Variants in CCDC30 observed in about 807,000 individuals in gnomAD.
The protein encoded by CCDC30 is coiled-coil domain containing 30, also known as coiled-coil domain-containing protein 30.
In CCDC30, 70 loss-of-function variants were observed where a neutral mutation model predicts 100.2. The observed-to-expected ratio is 0.70, with a 90% CI of 0.58 to 0.85. CCDC30 has a LOEUF of 0.85. Ranked by LOEUF, CCDC30 falls within the 40% of genes least tolerant of loss-of-function variation. The probability of loss-of-function intolerance (pLI) is 0.00; values close to 1 mark genes in which losing one functional copy is unlikely to be tolerated. For missense variants in CCDC30, 652 were observed against 771.2 expected, an observed-to-expected ratio of 0.85 and a Z score of 1.83; for synonymous variants, 233 against 269.5, an observed-to-expected ratio of 0.86 and a Z score of 1.33.
chr1:42,462,626 T>G (rs1373669383), upstream of CCDC30, among the ~76,000 whole-genome samples: 1 of 152,184 alleles, frequency 6.6e-6, no homozygotes, highest in Non-Finnish European at 1.5e-5. Context: ...AGTTTGATAA[T>G]TAACTAGAAT....
intron 6 of CCDC30, among the ~76,000 whole-genome samples, chr1:42,523,246 G>C (rs1644675191): frequency 6.6e-6 from 1 of 152,086 alleles, no homozygotes; most frequent in Non-Finnish European, 1.5e-5. Context: ...TCTCCTTTTA[G>C]CATTTCTTGA....
At chr1:42,551,652 A>T (rs1645253954) in intron 6 of CCDC30, among the ~76,000 whole-genome samples, 1 of 152,050 alleles carries the variant, frequency 6.6e-6, no homozygotes, top group Non-Finnish European at 1.5e-5. Flanking sequence ...AATACATACT[A>T]TTAGGTATTA....
intron 11 of CCDC30, among the ~76,000 whole-genome samples, chr1:42,621,046 G>A (rs1185508727): frequency 6.6e-6 from 1 of 152,160 alleles, no homozygotes. Flanking sequence ...GAATTTATTT[G>A]ATCCAGGCTT....
intron 10 of CCDC30, among the ~76,000 whole-genome samples, chr1:42,606,037 A>G (rs1200368010): frequency 6.6e-6 from 1 of 152,222 alleles, no homozygotes. Context: ...GTGAAAGCGT[A>G]TATGTAGATA....
chr1:42,561,446 G>C (rs1362776731), intron 6 of CCDC30, among the ~76,000 whole-genome samples: 5 of 152,080 alleles, frequency 3.3e-5, no homozygotes, highest in African/African-American at 1.2e-4. Flanking sequence ...GGTATTGATG[G>C]AACATATCTC....
At chr1:42,557,625 A>G (rs1462986707) in intron 6 of CCDC30, among the ~76,000 whole-genome samples, 2 of 111,800 alleles carry the variant, frequency 1.8e-5, no homozygotes, top group East Asian at 5.6e-4. Context: ...TAAACAATAA[A>G]ATATTTAAAT....
intron 6 of CCDC30, among the ~76,000 whole-genome samples, chr1:42,522,189 G>T (rs1476596945): frequency 2.0e-5 from 3 of 152,042 alleles, no homozygotes; most frequent in South Asian, 4.2e-4. Flanking sequence ...TTGTCATATT[G>T]TTATTTTTAT....
intron 8 of CCDC30, chr1:42,580,731 A>G (rs547147559): frequency 8.2e-6 from 3 of 364,392 alleles, no homozygotes; most frequent in African/African-American, 4.3e-5. Context: ...TTTGTAAATC[A>G]TATTTTTAGT....
At chr1:42,530,077 G>A (rs1299189209) in intron 6 of CCDC30, among the ~76,000 whole-genome samples, 2 of 152,184 alleles carry the variant, frequency 1.3e-5, no homozygotes, top group African/African-American at 4.8e-5. Context: ...TAGTCAGCCT[G>A]CTCCTGACAT....
At chr1:42,604,775 A>G (rs891383782) in intron 10 of CCDC30, among the ~76,000 whole-genome samples, 1 of 152,156 alleles carries the variant, frequency 6.6e-6, no homozygotes, top group African/African-American at 2.4e-5. Context: ...TTGTGTCAGT[A>G]TCACAGGGTT....
intron 6 of CCDC30, among the ~76,000 whole-genome samples, chr1:42,526,507 C>G (rs1048517817): frequency 7.9e-5 from 12 of 152,044 alleles, no homozygotes; most frequent in Non-Finnish European, 1.6e-4. Flanking sequence ...CTGAATAATT[C>G]ATATCCTTTT....
intron 1 of CCDC30, chr1:42,473,592 C>A: frequency 3.4e-6 from 1 of 296,226 alleles, no homozygotes; most frequent in Non-Finnish European, 6.2e-6. Context: ...CAGGAGCTGA[C>A]CTTCTAGGTG....
intron 6 of CCDC30, among the ~76,000 whole-genome samples, chr1:42,508,005 A>G (rs950052556): frequency 3.3e-5 from 5 of 152,224 alleles, no homozygotes; most frequent in African/African-American, 1.2e-4. Context: ...ACAATTAATT[A>G]GAGCTCTTTT....
At chr1:42,481,995 G>A (rs1643966992) in intron 2 of CCDC30, among the ~76,000 whole-genome samples, 1 of 152,020 alleles carries the variant, frequency 6.6e-6, no homozygotes. Context: ...CAGGTGGGTG[G>A]ATCACGAGGT....
intron 6 of CCDC30, 67 bp from the exon 7 acceptor site, chr1:42,536,409 A>G: frequency 1.0e-6 from 1 of 983,136 alleles, no homozygotes; most frequent in Non-Finnish European, 1.5e-6. Flanking sequence ...GAAAGTTGTT[A>G]TTATCAGAAT....
At chr1:42,567,287 G>C (rs555392636) in intron 7 of CCDC30, among the ~76,000 whole-genome samples, 2 of 152,260 alleles carry the variant, frequency 1.3e-5, no homozygotes, top group African/African-American at 4.8e-5. Context: ...TATTATGACT[G>C]CTTTTGTGCT....
intron 6 of CCDC30, among the ~76,000 whole-genome samples, chr1:42,561,593 G>A (rs1645488398): frequency 6.6e-6 from 1 of 152,156 alleles, no homozygotes; most frequent in Non-Finnish European, 1.5e-5. Context: ...TATAGTATTG[G>A]AAGTTCTGAC....
At chr1:42,590,763 A>T (rs1646170889) in intron 10 of CCDC30, 1 of 152,132 alleles carries the variant, frequency 6.6e-6, no homozygotes, top group South Asian at 2.1e-4. Flanking sequence ...GAAAGTTTGT[A>T]ACTTCTTAGA....
chr1:42,618,030 G>A (rs1447633234), intron 11 of CCDC30, among the ~76,000 whole-genome samples: 1 of 152,110 alleles, frequency 6.6e-6, no homozygotes, highest in Non-Finnish European at 1.5e-5. Flanking sequence ...AGTTAGTTAG[G>A]TCAGATCTCT....
Sources: gnomAD v4.1 joint callset for allele counts (sites outside exome capture counted in the v4.1 genomes callset) on GRCh38, gnomAD v4.1.1 for gene constraint, MANE v1.5 for transcripts, NCBI Gene and HGNC (gene_info 2026-07-23, HGNC 2026-07-21) for gene names.